Variants in PCDH15 observed in about 807,000 individuals in gnomAD.
PCDH15 encodes the protein protocadherin-15.
Under a neutral mutation model 178.5 loss-of-function variants are expected in PCDH15, and 129 were observed. That is an observed-to-expected ratio of 0.72 (90% CI 0.63 to 0.84). PCDH15 has a LOEUF of 0.84. Among genes scored for constraint, PCDH15 ranks in the 40% least tolerant of loss-of-function variants. The pLI is 0.00. For missense variants in PCDH15, 2,230 were observed against 2,099.9 expected (o/e 1.06, Z -1.21); for synonymous variants, 800 against 732.0 (o/e 1.09, Z -1.50).
intron 3 of PCDH15, among the ~76,000 whole-genome samples, chr10:54,830,250 T>C (rs945653402): frequency 2.0e-5 from 3 of 152,066 alleles, no homozygotes; most frequent in African/African-American, 4.8e-5. Flanking sequence ...ACCTAAAGGA[T>C]TATAAATCAT....
At chr10:53,901,551 C>G (rs775291002) in intron 26 of PCDH15, among the ~76,000 whole-genome samples, 3 of 152,262 alleles carry the variant, frequency 2.0e-5, no homozygotes, top group East Asian at 1.9e-4. Flanking sequence ...CCAACATCCC[C>G]CATGCAGCAT....
intron 1 of PCDH15, among the ~76,000 whole-genome samples, chr10:54,785,216 GA>G (rs957073883): frequency 2.0e-4 from 30 of 148,458 alleles, no homozygotes; most frequent in South Asian, 6.4e-4. Context: ...TTGGTGATCA[GA>G]AAAAAAAAAT....
chr10:54,442,414 CTATATATA>C (rs71007859), intron 3 of PCDH15, among the ~76,000 whole-genome samples: 205 of 19,162 alleles, frequency 0.011, 2 homozygotes, highest in South Asian at 0.033. Context: ...GCCTTAAAGG[CTATATATA>C]TATATATATA....
intron 3 of PCDH15, among the ~76,000 whole-genome samples, chr10:54,461,723 G>A (rs560812727): frequency 6.6e-6 from 1 of 152,050 alleles, no homozygotes; most frequent in South Asian, 2.1e-4. Flanking sequence ...TGAAACCAAT[G>A]ATAAAACAGA....
intron 1 of PCDH15, among the ~76,000 whole-genome samples, chr10:54,694,129 G>A (rs920551439): frequency 2.6e-5 from 4 of 151,916 alleles, no homozygotes. Context: ...TTCTCAATAA[G>A]AATTGATTTT....
At chr10:55,405,694 A>G (rs1214457849) in intron 2 of PCDH15, among the ~76,000 whole-genome samples, 2 of 151,988 alleles carry the variant, frequency 1.3e-5, no homozygotes, top group Non-Finnish European at 2.9e-5. Flanking sequence ...CTTTATTTAT[A>G]TAACAGATAT....
At chr10:55,103,957 T>C (rs1842624446) in intron 2 of PCDH15, among the ~76,000 whole-genome samples, 1 of 152,098 alleles carries the variant, frequency 6.6e-6, no homozygotes, top group Admixed American at 6.6e-5. Context: ...GGTTTTCTTG[T>C]TTTACAAGCA....
chr10:55,594,434 G>A (rs986673331), intron 2 of PCDH15, among the ~76,000 whole-genome samples: 11 of 151,842 alleles, frequency 7.2e-5, no homozygotes, highest in African/African-American at 2.4e-4. Flanking sequence ...TTTCAACTAA[G>A]AAAAAAGTAA....
intron 15 of PCDH15, among the ~76,000 whole-genome samples, chr10:54,114,399 C>G (rs1450521700): frequency 2.6e-5 from 4 of 152,132 alleles, no homozygotes; most frequent in African/African-American, 9.7e-5. Flanking sequence ...AAGCAACACA[C>G]CAAGGCACCA....
intron 1 of PCDH15, among the ~76,000 whole-genome samples, chr10:54,700,203 G>A (rs1243729927): frequency 6.6e-6 from 1 of 152,020 alleles, no homozygotes; most frequent in African/African-American, 2.4e-5. Context: ...GAAGATAAAA[G>A]CAAATACCTT....
At chr10:55,565,882 G>A (rs187871527) in intron 2 of PCDH15, among the ~76,000 whole-genome samples, 14 of 151,704 alleles carry the variant, frequency 9.2e-5, no homozygotes, top group Admixed American at 5.3e-4. Context: ...GGACCTGATG[G>A]CATCACCAGT....
chr10:55,209,225 G>C (rs1274863887), intron 1 of PCDH15, among the ~76,000 whole-genome samples: 2 of 152,112 alleles, frequency 1.3e-5, no homozygotes, highest in Non-Finnish European at 2.9e-5. Context: ...ATGTGTAAAG[G>C]AGATGGAGAC....
chr10:55,125,922 C>A (rs182452297), intron 2 of PCDH15, among the ~76,000 whole-genome samples: 1 of 152,098 alleles, frequency 6.6e-6, no homozygotes, highest in Non-Finnish European at 1.5e-5. Context: ...ATTGGCTAAA[C>A]GGTGTTCTTT....
intron 1 of PCDH15, among the ~76,000 whole-genome samples, chr10:54,737,190 T>TTC (rs1276383108): frequency 3.3e-5 from 5 of 152,056 alleles, no homozygotes; most frequent in Non-Finnish European, 7.4e-5. Context: ...GTCACTCATA[T>TTC]TCGTTGCTCC....
intron 1 of PCDH15, among the ~76,000 whole-genome samples, chr10:54,741,132 ATATG>A (rs991633636): frequency 6.6e-6 from 1 of 151,764 alleles, no homozygotes; most frequent in African/African-American, 2.4e-5. Flanking sequence ...TACCACATAA[ATATG>A]TATTATTATG....
chr10:54,061,773 T>G (rs1252626072), intron 18 of PCDH15, among the ~76,000 whole-genome samples: 1 of 151,818 alleles, frequency 6.6e-6, no homozygotes, highest in Admixed American at 6.6e-5. Context: ...GCACAAGGTA[T>G]AATATGATAC....
At chr10:54,344,485 C>G (rs1249806514) in intron 6 of PCDH15, among the ~76,000 whole-genome samples, 1 of 152,014 alleles carries the variant, frequency 6.6e-6, no homozygotes, top group African/African-American at 2.4e-5. Context: ...TGCTCTCAAA[C>G]TATATCTAAA....
chr10:54,905,471 G>T (rs1253019733), intron 2 of PCDH15, among the ~76,000 whole-genome samples: 1 of 152,048 alleles, frequency 6.6e-6, no homozygotes, highest in East Asian at 1.9e-4. Context: ...ATGCATTTAT[G>T]AATTTTTCCA....
At chr10:55,239,284 G>C (rs1311051500) in intron 1 of PCDH15, among the ~76,000 whole-genome samples, 1 of 152,070 alleles carries the variant, frequency 6.6e-6, no homozygotes, top group Non-Finnish European at 1.5e-5. Flanking sequence ...CCCATAGACT[G>C]ATTTCATATC....
Sources: allele counts gnomAD v4.1 joint callset (sites outside exome capture counted in the v4.1 genomes callset), GRCh38; gene constraint gnomAD v4.1.1; transcripts MANE v1.5; gene names NCBI Gene and HGNC (gene_info 2026-07-23, HGNC 2026-07-21).